The following ARHGEF3 variants were observed in gnomAD, a reference collection of about 807,000 sequenced individuals.
ARHGEF3 encodes the protein Rho guanine nucleotide exchange factor 3, also known as 59.8 kDA protein.
Under a neutral mutation model 63.2 loss-of-function variants are expected in ARHGEF3, and 28 were observed. That is an observed-to-expected ratio of 0.44 (90% CI 0.33 to 0.61). The LOEUF (loss-of-function observed/expected upper bound fraction) is 0.61, where lower values mean the gene tolerates loss of function less well. ARHGEF3 is among the 20% of genes least tolerant of loss of function. ARHGEF3 has a pLI of 0.03. For synonymous variants in ARHGEF3, 266 were observed against 254.2 expected, an observed-to-expected ratio of 1.05 and a Z score of -0.44; for missense variants, 533 against 659.3, an observed-to-expected ratio of 0.81 and a Z score of 2.10.
At chr3:56,986,809 G>A (rs200299599) in intron 2 of ARHGEF3, among the ~76,000 whole-genome samples, 1 of 147,368 alleles carries the variant, frequency 6.8e-6, no homozygotes, top group Non-Finnish European at 1.5e-5. Context: ...TGCGAATTTT[G>A]AAAAAAAAAA....
chr3:56,896,103 CT>C (rs2041294105), intron 3 of ARHGEF3, among the ~76,000 whole-genome samples: 2 of 152,078 alleles, frequency 1.3e-5, no homozygotes. Flanking sequence ...GAACACAGGC[CT>C]TTTTCTTGGG....
chr3:56,992,923 G>A (rs542567415), intron 2 of ARHGEF3, among the ~76,000 whole-genome samples: 22 of 152,032 alleles, frequency 1.4e-4, no homozygotes, highest in African/African-American at 2.2e-4. Context: ...AACCTCTGCC[G>A]CCTGGGTTCA....
intron 2 of ARHGEF3, among the ~76,000 whole-genome samples, chr3:56,976,413 G>C (rs1701128256): frequency 6.6e-6 from 1 of 152,158 alleles, no homozygotes; most frequent in Non-Finnish European, 1.5e-5. Flanking sequence ...TACTTTACTA[G>C]TTTCTATCAA....
intron 1 of ARHGEF3, among the ~76,000 whole-genome samples, chr3:57,066,066 G>GA (rs1218279829): frequency 5.3e-5 from 8 of 151,396 alleles, no homozygotes; most frequent in Non-Finnish European, 1.2e-4. Flanking sequence ...TAAAATGTAA[G>GA]AAAAAATCCT....
At chr3:56,958,761 G>T in intron 3 of ARHGEF3, 1 of 1,485,576 alleles carries the variant, frequency 6.7e-7, no homozygotes, top group Non-Finnish European at 9.2e-7. Flanking sequence ...CCGTTCTGGA[G>T]GCCAGAGCAT....
At chr3:56,987,707 C>T (rs1032898374) in intron 2 of ARHGEF3, among the ~76,000 whole-genome samples, 3 of 152,050 alleles carry the variant, frequency 2.0e-5, no homozygotes, top group African/African-American at 7.2e-5. Context: ...GGAGCCAGCC[C>T]CACTAACCTC....
At chr3:56,977,365 G>GA (rs1198559192) in intron 2 of ARHGEF3, 9 of 455,800 alleles carry the variant, frequency 2.0e-5, no homozygotes, top group African/African-American at 4.0e-5. Context: ...CAGCTCACCA[G>GA]ATGGGCTCCT....
intron 2 of ARHGEF3, among the ~76,000 whole-genome samples, chr3:57,001,127 A>T (rs745813746): frequency 3.9e-5 from 6 of 151,928 alleles, no homozygotes; most frequent in Admixed American, 2.6e-4. Flanking sequence ...TTTTGTAGAG[A>T]TGGAGTCTTG....
upstream of ARHGEF3, among the ~76,000 whole-genome samples, chr3:56,804,165 G>A (rs2037782714): frequency 6.6e-6 from 1 of 152,198 alleles, no homozygotes; most frequent in Non-Finnish European, 1.5e-5. Flanking sequence ...GATTACAGGT[G>A]TAAGCCACCA....
Position 56,731,972 on chromosome 3 carries a change from C to T in ARHGEF3, c.1228+266G>A, listed in dbSNP as rs558712923. On this transcript the variant is annotated intron_variant, in intron 9 of 9. Transcript: ENST00000296315. ...AGAAAGGGAACTTAAGGAGCACTAA[C>T]TATGTGCAGACAGTTTCACTTAGAT... 6.1e-4 allele frequency: 360 copies of T among 591,602 alleles called. 4 individuals are homozygous for T. In the South Asian group the frequency reaches 7.3e-3, roughly 12 times the overall value. 36.6% of individuals were successfully genotyped at this position (591,602 alleles called of 1,614,324 possible).
chr3:56,747,831 G>A (rs1280674063), intron 6 of ARHGEF3, among the ~76,000 whole-genome samples: 1 of 152,076 alleles, frequency 6.6e-6, no homozygotes, highest in Non-Finnish European at 1.5e-5. Flanking sequence ...CGGAAAAAAG[G>A]ACAGACTCAG....
intron 1 of ARHGEF3, among the ~76,000 whole-genome samples, chr3:57,037,059 A>G (rs1483888349): frequency 6.6e-6 from 1 of 152,142 alleles, no homozygotes; most frequent in Non-Finnish European, 1.5e-5. Context: ...AAAGCACACC[A>G]TGAAATATTT....
exon 1 of ARHGEF3, chr3:57,079,235 C>G: frequency 2.6e-6 from 1 of 388,198 alleles, no homozygotes; most frequent in Non-Finnish European, 4.6e-6. Context: ...CCTCGACCCC[C>G]GCGCTGGTTC....
chr3:56,781,290 G>A (rs2036555663), intron 1 of ARHGEF3, among the ~76,000 whole-genome samples: 1 of 150,132 alleles, frequency 6.7e-6, no homozygotes, highest in Non-Finnish European at 1.5e-5. Context: ...TTCTGTCACT[G>A]GGACTAGAGT....
intron 1 of ARHGEF3, among the ~76,000 whole-genome samples, chr3:57,043,154 T>C (rs1463815476): frequency 6.6e-6 from 1 of 151,682 alleles, no homozygotes; most frequent in Non-Finnish European, 1.5e-5. Flanking sequence ...CTCTCTCTGT[T>C]GCCCAGGCTA....
intron 2 of ARHGEF3, among the ~76,000 whole-genome samples, chr3:57,018,074 T>C (rs1703095807): frequency 2.0e-5 from 3 of 150,090 alleles, no homozygotes; most frequent in Admixed American, 2.0e-4. Flanking sequence ...AGGTCAGGAG[T>C]TTGAGACCAG....
At chr3:57,007,592 G>A (rs550328105) in intron 2 of ARHGEF3, among the ~76,000 whole-genome samples, 9 of 152,044 alleles carry the variant, frequency 5.9e-5, no homozygotes, top group Non-Finnish European at 1.3e-4. Context: ...TGTTGCGCCC[G>A]CCCCTCCACA....
At chr3:56,989,848 G>C (rs536485546) in intron 2 of ARHGEF3, among the ~76,000 whole-genome samples, 8 of 152,298 alleles carry the variant, frequency 5.3e-5, no homozygotes, top group Admixed American at 1.3e-4. Flanking sequence ...CTTCACAGCT[G>C]CAAGATGTCC....
intron 1 of ARHGEF3, among the ~76,000 whole-genome samples, chr3:57,071,813 C>T (rs989606974): frequency 1.3e-5 from 2 of 152,004 alleles, no homozygotes; most frequent in Non-Finnish European, 2.9e-5. Flanking sequence ...TCAAAGAACA[C>T]CATCAAGAAA....
Sources: gnomAD v4.1 joint callset for allele counts (sites outside exome capture counted in the v4.1 genomes callset) on GRCh38, gnomAD v4.1.1 for gene constraint, MANE v1.5 for transcripts, NCBI Gene and HGNC (gene_info 2026-07-23, HGNC 2026-07-21) for gene names.